The following TRPM4 variants were observed in gnomAD, a reference collection of about 807,000 sequenced individuals.
The protein encoded by TRPM4 is calcium-activated non-selective cation channel 1.
A neutral mutation model predicts 135.6 loss-of-function variants in TRPM4; 124 were observed. That is an observed-to-expected ratio of 0.91 (90% CI 0.79 to 1.06). TRPM4 has a LOEUF of 1.06. Among genes scored for constraint, TRPM4 ranks in the 50% least tolerant of loss-of-function variants. The probability of loss-of-function intolerance (pLI) is 0.00; values close to 1 mark genes in which losing one functional copy is unlikely to be tolerated. For synonymous variants in TRPM4, 745 were observed against 705.6 expected (o/e 1.06, Z -0.88); for missense variants, 1,658 against 1,671.4 (o/e 0.99, Z 0.14).
rs538172284 is a variant in TRPM4, at chr19:49,203,377, C to T, written c.3131+1236C>T. 3.9e-5 allele frequency among the ~76,000 whole-genome samples: 6 copies of T among 152,088 alleles called. No homozygotes were observed. In the East Asian group the frequency reaches 7.7e-4, roughly 20 times the overall value. On this transcript the variant is annotated intron_variant, in intron 20 of 24. Coordinates refer to ENST00000252826, the MANE Select transcript of TRPM4 (RefSeq NM_017636.4). ...TGTATTTTTAGTAGAGATGGGGTTT[C>T]ACCGTGTTAGCCAGGATGGTTTCGA...
intron 16 of TRPM4, among the ~76,000 whole-genome samples, chr19:49,192,719 T>C (rs968308878): frequency 2.0e-5 from 3 of 152,052 alleles, no homozygotes; most frequent in Non-Finnish European, 4.4e-5. Flanking sequence ...GAAAAATAAC[T>C]AGTGGGTACT....
At position 49,210,340 on chromosome 19, in the gene TRPM4, T is replaced by C. The variant is rs756855729; in HGVS notation, c.3263T>C (p.Leu1088Pro). The C allele has an allele frequency of 1.2e-6, 2 of 1,614,106 alleles. No homozygotes were observed. The highest frequency in any genetic ancestry group is 1.7e-6 in the Non-Finnish European group (2 of 1,180,042). The change falls in exon 21 of 25, where the codon CTG becomes CCG. Residue 1088 changes from leucine to proline, a missense_variant. By Grantham distance (98) the Leu-to-Pro change is moderately conservative (BLOSUM62 -3). This residue lies in a region of TRPM4 where 1,412 missense variants were observed against 1,408.7 expected (regional missense o/e 1.00). Transcript: ENST00000252826. The surrounding 1 kb of genome is among the most constrained non-coding windows in gnomAD (Gnocchi z 4.1). ...ATCGTCATCTCCCACTTGCGCCTCC[T>C]GCTCAGGCAATTGTGCAGGCGACCC... ...PFIVISHLRLLLRQLCRRPRS... is the reference protein window; with the variant it reads ...PFIVISHLRLPLRQLCRRPRS...
chr19:49,191,546 C>T (rs1404321480), intron 16 of TRPM4, among the ~76,000 whole-genome samples: 2 of 151,814 alleles, frequency 1.3e-5, no homozygotes, highest in African/African-American at 4.8e-5. Context: ...AATGGGGTCT[C>T]GCTCTGTCGA....
At position 49,190,662 on chromosome 19, in the gene TRPM4, C is replaced by G. The variant is rs369193584; in HGVS notation, c.2133-34C>G. On this transcript the variant is annotated intron_variant, in intron 15 of 24. Coordinates refer to ENST00000252826, the MANE Select transcript of TRPM4 (RefSeq NM_017636.4). ...GAATGCCTCTCCACCTTCTCTTCCC[C>G]TCATTTCTTGCTCTGTGCTTCCCCC... 1.2e-5 allele frequency: 20 copies of G among 1,607,934 alleles called. No homozygotes were observed. The African/African-American group carries it at 2.7e-4, about 21-fold the overall frequency.
chr19:49,158,346 TC>T, intron 2 of TRPM4, 87 bp downstream of exon 2: 1 of 1,241,520 alleles, frequency 8.1e-7, no homozygotes, highest in Non-Finnish European at 1.2e-6. Context: ...CCCTGCTCCT[TC>T]CCCATTCCTG....
At chr19:49,201,898 G>A in intron 19 of TRPM4, 66 bp from the exon 20 acceptor site, 1 of 1,572,658 alleles carries the variant, frequency 6.4e-7, no homozygotes. Context: ...ACCGCGCCCG[G>A]CAGTCTTCCT....
chr19:49,175,067 C>CTTTTTTTTTTTTTTTTTT (rs772062913), intron 9 of TRPM4, among the ~76,000 whole-genome samples: 9 of 77,582 alleles, frequency 1.2e-4, no homozygotes, highest in African/African-American at 6.7e-4. Flanking sequence ...TCATGCCTGG[C>CTTTTTTTTTTTTTTTTTT]TTTTTTTTTT....
rs780150296 is a variant in TRPM4 at position 49,210,431 on chromosome 19, G to A, written c.3328+26G>A. The A allele has an allele frequency of 2.5e-6, 4 of 1,609,762 alleles. No homozygotes were observed. The Admixed American group carries it at 6.7e-5, about 27-fold the overall frequency. The stretch of plus-strand genomic sequence containing the variant: ...GTAAGAACAGAGCTTGGCTTAAAAA[G>A]GAGAAATATAGGGGACCGGGAGCCT... On this transcript the variant is annotated intron_variant, in intron 21 of 24. Coordinates refer to ENST00000252826, the MANE Select transcript of TRPM4 (RefSeq NM_017636.4). The surrounding 1 kb of genome is among the most constrained non-coding windows in gnomAD (Gnocchi z 4.1).
chr19:49,188,113 G>A (rs1968265610), intron 12 of TRPM4, among the ~76,000 whole-genome samples: 1 of 152,192 alleles, frequency 6.6e-6, no homozygotes, highest in African/African-American at 2.4e-5. Context: ...CAGGCAAGAT[G>A]GGGGTCTTTG....
chr19:49,188,908 T>C, intron 13 of TRPM4, 38 bp from the exon 14 acceptor site: 1 of 1,613,866 alleles, frequency 6.2e-7, no homozygotes, highest in African/African-American at 1.3e-5. Flanking sequence ...ACCCTACTCC[T>C]TCCCATCCCT....
chr19:49,185,124 T>A (rs939620289), intron 12 of TRPM4, among the ~76,000 whole-genome samples: 3 of 152,166 alleles, frequency 2.0e-5, no homozygotes, highest in Non-Finnish European at 2.9e-5. Flanking sequence ...TTTAAGACAA[T>A]TTATTTAAAG....
chr19:49,168,595 G>A lies in TRPM4; in HGVS notation c.655G>A (p.Asp219Asn). 1 of 1,613,742 alleles carries A rather than the reference G, an allele frequency of 6.2e-7. No homozygotes were observed. The highest frequency in any genetic ancestry group is 8.5e-7 in the Non-Finnish European group (1 of 1,179,978). The change falls in exon 6 of 25, where the codon GAC (aspartate) becomes AAC (asparagine). Residue 219 changes from aspartate (D) to asparagine (N), a missense_variant. Asp to Asn is a conservative substitution (Grantham distance 23). This residue lies in a region of TRPM4 where 1,412 missense variants were observed against 1,408.7 expected (regional missense o/e 1.00). Transcript: ENST00000252826. ...ARYRWRGDPE[D>N]GVQFPLDYNY... ...GTACCGGTGGCGCGGTGACCCGGAG[G>A]ACGGGGTCCAGTTTCCCCTGGACTA...
intron 16 of TRPM4, among the ~76,000 whole-genome samples, chr19:49,192,225 C>G (rs1040219536): frequency 6.6e-6 from 1 of 152,200 alleles, no homozygotes; most frequent in Non-Finnish European, 1.5e-5. Flanking sequence ...TCACTGCAAC[C>G]TCCGCCTCCT....
intron 12 of TRPM4, 90 bp from the exon 13 acceptor site, chr19:49,188,551 A>G (rs1968280143): frequency 2.5e-6 from 4 of 1,586,818 alleles, no homozygotes; most frequent in Non-Finnish European, 3.5e-6. Context: ...TTAGTTTCTG[A>G]CCTCTGACTC....
In TRPM4 at chr19:49,210,608, G is replaced by T. The variant is rs962083162; in HGVS notation, c.3329-102G>T. 1.3e-6 allele frequency: 2 copies of T among 1,574,016 alleles called. No individual in the cohort carries two copies. Among genetic ancestry groups the T allele is most frequent in the Admixed American group, 1.7e-5 (1 of 58,518 alleles). On this transcript the variant is annotated intron_variant, in intron 21 of 24. Transcript: ENST00000252826. The surrounding 1 kb of genome is among the most constrained non-coding windows in gnomAD (Gnocchi z 4.1). ...GGGGCATGTTCTCGAATCACCAGGG[G>T]CTGGGTCTGGGATAGCGTGCGTGTT...
chr19:49,190,971 C>T (rs1167631318), intron 16 of TRPM4, among the ~76,000 whole-genome samples, 198 bp downstream of exon 16: 6 of 152,128 alleles, frequency 3.9e-5, no homozygotes, highest in African/African-American at 7.2e-5. Flanking sequence ...CTGGCATCTG[C>T]GGCTGGTGAG....
At chr19:49,186,509 G>A (rs979695123) in intron 12 of TRPM4, among the ~76,000 whole-genome samples, 2 of 152,168 alleles carry the variant, frequency 1.3e-5, no homozygotes, top group African/African-American at 4.8e-5. Context: ...AAGATGCTTA[G>A]TGTATCTATT....
chr19:49,158,639 CCTCA>C (rs2041567991), intron 2 of TRPM4: 2 of 236,446 alleles, frequency 8.5e-6, no homozygotes, highest in South Asian at 1.1e-4. Context: ...TGCAAGAAAC[CCTCA>C]CTCAGCGCTC....
chr19:49,199,169 T>G (rs1329669711), intron 17 of TRPM4, among the ~76,000 whole-genome samples: 1 of 152,082 alleles, frequency 6.6e-6, no homozygotes, highest in Non-Finnish European at 1.5e-5. Flanking sequence ...TTATAATTTA[T>G]GCACTCTTGA....
Sources: allele counts gnomAD v4.1 joint callset (sites outside exome capture counted in the v4.1 genomes callset), GRCh38; gene constraint gnomAD v4.1.1; regional missense constraint gnomAD v4.1.1; non-coding constraint Gnocchi (gnomAD v3.1); transcripts MANE v1.5; gene names NCBI Gene and HGNC (gene_info 2026-07-23, HGNC 2026-07-21).